KRT2: variants seen among roughly 807,000 people sequenced by gnomAD.
The protein encoded by KRT2 is keratin 2.
A neutral mutation model predicts 48.5 loss-of-function variants in KRT2; 37 were observed. That is an observed-to-expected ratio of 0.76 (90% CI 0.59 to 1.00). The LOEUF (loss-of-function observed/expected upper bound fraction) is 1.00, where lower values mean the gene tolerates loss of function less well. KRT2 is among the 50% of genes least tolerant of loss of function. The pLI is 0.00. For missense variants in KRT2, 880 were observed against 815.2 expected (o/e 1.08, Z -0.97); for synonymous variants, 324 against 312.2 (o/e 1.04, Z -0.40).
chr12:52,646,604 C>T (rs1941164932), intron 7 of KRT2, 136 bp downstream of exon 7: 12 of 896,916 alleles, frequency 1.3e-5, no homozygotes, highest in Non-Finnish European at 2.1e-5. Flanking sequence ...GCTTGGGGAA[C>T]ACAGAGAATG....
chr12:52,645,278 C>A lies in KRT2; in HGVS notation c.1661G>T (p.Gly554Val). 6.2e-7 allele frequency: 1 copy of A among 1,614,196 alleles called. No individual in the cohort carries two copies. Among genetic ancestry groups the A allele is most frequent in the Non-Finnish European group, 8.5e-7 (1 of 1,180,042 alleles). Residue 554 changes from glycine (G) to valine (V), a missense_variant, in exon 9 of 9, where the codon GGA becomes GTA. Coordinates refer to ENST00000309680, the MANE Select transcript of KRT2 (RefSeq NM_000423.3). ...RQSGSRGGSG[G>V]GGSISGGGYG... ...TCCTCCTCCAGAGATAGAACCTCCT[C>A]CTCCACTACCGCCTCTGGAGCCAGA...
intron 2 of KRT2, 107 bp from the exon 3 acceptor site, chr12:52,650,081 C>A (rs1941226179): frequency 1.1e-6 from 1 of 871,974 alleles, no homozygotes; most frequent in African/African-American, 1.7e-5. Flanking sequence ...GGGAATATTA[C>A]ACACTTTTTA....
chr12:52,647,454 T>G (rs1941184933), intron 6 of KRT2, among the ~76,000 whole-genome samples: 2 of 152,372 alleles, frequency 1.3e-5, no homozygotes, highest in Non-Finnish European at 2.9e-5. Flanking sequence ...AACTAACGTT[T>G]GCTCTATTTG....
chr12:52,645,972 C>T (rs868346877), intron 7 of KRT2, among the ~76,000 whole-genome samples: 1 of 152,226 alleles, frequency 6.6e-6, no homozygotes, highest in Non-Finnish European at 1.5e-5. Flanking sequence ...AGAACTGTGA[C>T]TCTGTAGAGC....
rs1339589023 is a variant in KRT2, at chr12:52,651,814, C to T, written c.329G>A (p.Gly110Asp). The T allele has an allele frequency of 6.2e-7, 1 of 1,604,544 alleles. No homozygotes were observed. Among genetic ancestry groups the T allele is most frequent in the Non-Finnish European group, 8.5e-7 (1 of 1,174,702 alleles). Reference protein sequence around the residue: ...SSFGGGSGFSGGGFGGGGFGG... With the variant: ...SSFGGGSGFSDGGFGGGGFGG... The stretch of plus-strand genomic sequence containing the variant: ...AAAGCCGCCTCCACCGAAACCACCA[C>T]CACTGAAGCCGCTGCCACCTCCAAA... Residue 110 changes from glycine to aspartate, a missense_variant, in exon 1 of 9, where the codon GGT (glycine) becomes GAT (aspartate). Transcript: ENST00000309680.
intron 3 of KRT2, 86 bp downstream of exon 3, chr12:52,649,828 G>T: frequency 9.7e-7 from 1 of 1,030,610 alleles, no homozygotes. Flanking sequence ...TGCACTCACA[G>T]TTGATTTCCA....
In KRT2 at chr12:52,644,955, G is replaced by A. The variant is rs1190343086; in HGVS notation, c.*64C>T. On this transcript the variant is annotated 3_prime_UTR_variant, in exon 9 of 9. Coordinates refer to ENST00000309680, the MANE Select transcript of KRT2 (RefSeq NM_000423.3). Reference sequence around the variant, plus strand: ...GCTGCCAGTTAGAGGTACAGAGACAGGCTTCTACATTCTGGAGTGGGAGAG... The same window carrying A: ...GCTGCCAGTTAGAGGTACAGAGACAAGCTTCTACATTCTGGAGTGGGAGAG... 6.3e-7 allele frequency: 1 copy of A among 1,576,620 alleles called. No homozygotes were observed. Among genetic ancestry groups the A allele is most frequent in the African/African-American group, 1.3e-5 (1 of 74,114 alleles).
chr12:52,644,657 C>T lies in KRT2; in HGVS notation c.*362G>A. ...TATATACACAGAAACACATTTCCCC[C>T]CAGCACTGCCAGGCTTAGAGATGAA... On this transcript the variant is annotated 3_prime_UTR_variant, in exon 9 of 9. Transcript: ENST00000309680. The T allele has an allele frequency of 2.9e-6, 1 of 339,484 alleles. No individual in the cohort carries two copies. Among genetic ancestry groups the T allele is most frequent in the South Asian group, 3.1e-5 (1 of 32,070 alleles). 21.0% of individuals were successfully genotyped at this position (339,484 alleles called of 1,614,324 possible). A position where few individuals can be genotyped will look rare whatever the true frequency, so the allele number is the denominator to read the frequency against.
At position 52,644,932 on chromosome 12, in the gene KRT2, T is replaced by C. The variant is rs1328170443; in HGVS notation, c.*87A>G. On this transcript the variant is annotated 3_prime_UTR_variant, in exon 9 of 9. Coordinates refer to ENST00000309680, the MANE Select transcript of KRT2 (RefSeq NM_000423.3). ...GATAAATGACAAAAATTTAACTTGC[T>C]GCCAGTTAGAGGTACAGAGACAGGC... 6.9e-7 allele frequency: 1 copy of C among 1,445,120 alleles called. No individual in the cohort carries two copies. The highest frequency in any genetic ancestry group is 9.6e-7 in the Non-Finnish European group (1 of 1,039,368). 89.5% of individuals were successfully genotyped at this position (1,445,120 alleles called of 1,614,324 possible). A position where few individuals can be genotyped will look rare whatever the true frequency, so the allele number is the denominator to read the frequency against.
Position 52,645,152 on chromosome 12 carries a change from T to C in KRT2, c.1787A>G (p.His596Arg), listed in dbSNP as rs772266386. ...TCCTCTAGAGCCACCTCCAGAGCTG[T>C]GTTTTCCACCTCCAGAGCCATATCC... ...GGGYGSGGGK[H>R]SSGGGSRGGS... Residue 596 changes from histidine to arginine, a missense_variant, in exon 9 of 9, where the codon CAC becomes CGC. Physicochemically the swap from His to Arg is conservative, Grantham distance 29. Coordinates refer to ENST00000309680, the MANE Select transcript of KRT2 (RefSeq NM_000423.3). 1 of 1,613,354 alleles carries C rather than the reference T, an allele frequency of 6.2e-7. No individual in the cohort carries two copies. The highest frequency in any genetic ancestry group is 8.5e-7 in the Non-Finnish European group (1 of 1,179,836).
At chr12:52,646,557 T>C (rs545728791) in intron 7 of KRT2, among the ~76,000 whole-genome samples, 183 bp downstream of exon 7, 3 of 152,372 alleles carry the variant, frequency 2.0e-5, no homozygotes, top group Non-Finnish European at 4.4e-5. Context: ...TTGATAAATG[T>C]GTAACTCTCC....
rs773560400 is a variant in KRT2 at position 52,650,387 on chromosome 12, T to A, written c.752A>T (p.Asn251Ile). ...DGLTAERTSQ[N>I]SELNNMQDLV... ...ATCCTGCATGTTATTCAGCTCTGAA[T>A]TCTGTGATGTTCTTTCTGCAGTGAG... Residue 251 changes from asparagine (N) to isoleucine (I), a missense_variant, in exon 2 of 9, where the codon AAT becomes ATT. Coordinates refer to ENST00000309680, the MANE Select transcript of KRT2 (RefSeq NM_000423.3). 1.2e-5 allele frequency: 19 copies of A among 1,614,256 alleles called. No homozygotes were observed. The South Asian group carries it at 1.9e-4, about 16-fold the overall frequency.
intron 5 of KRT2, 39 bp downstream of exon 5, chr12:52,648,134 G>T (rs763505083): frequency 6.2e-7 from 1 of 1,608,552 alleles, no homozygotes; most frequent in South Asian, 1.1e-5. Context: ...CCAGCTCATG[G>T]CAGGGAGCTG....
At position 52,651,675 on chromosome 12, in the gene KRT2, G is replaced by T; in HGVS notation, c.468C>A (p.Asn156Lys). ...YPGGIHEVSV[N>K]QSLLQPLNVK... ...CGTTGAGAGGCTGCAGGAGGCTCTG[G>T]TTGACAGAGACTTCGTGGATGCCAC... is the stretch of plus-strand genomic sequence containing the variant. The change falls in exon 1 of 9, where the codon AAC becomes AAA. Residue 156 changes from asparagine to lysine, a missense_variant. Asn to Lys is a moderately conservative substitution (Grantham distance 94). Coordinates refer to ENST00000309680, the MANE Select transcript of KRT2 (RefSeq NM_000423.3). 1 of 1,614,030 alleles carries T rather than the reference G, an allele frequency of 6.2e-7. No homozygotes were observed. The highest frequency in any genetic ancestry group is 8.5e-7 in the Non-Finnish European group (1 of 1,179,964).
rs749830972 is a variant in KRT2 at position 52,652,034 on chromosome 12, T to G, written c.109A>C (p.Thr37Pro). The G allele has an allele frequency of 1.9e-6, 3 of 1,607,390 alleles. No individual in the cohort carries two copies. The highest frequency in any genetic ancestry group is 2.5e-6 in the Non-Finnish European group (3 of 1,179,934). Residue 37 changes from threonine to proline, a missense_variant, in exon 1 of 9, where the codon ACT becomes CCT. Coordinates refer to ENST00000309680, the MANE Select transcript of KRT2 (RefSeq NM_000423.3). ...AVVSGGSRRS[T>P]SSFSCLSRHG... is the part of the protein sequence containing the mutation. The stretch of plus-strand genomic sequence containing the variant: ...CGGCTCAAGCAGGAGAAGCTGGAAG[T>G]TGATCTCCGGCTTCCACCAGACACC...
At position 52,645,288 on chromosome 12, in the gene KRT2, C is replaced by G; in HGVS notation, c.1651G>C (p.Gly551Arg). ...SGGRQSGSRG[G>R]SGGGGSISGG... ...GAGATAGAACCTCCTCCTCCACTAC[C>G]GCCTCTGGAGCCAGACTGTCGGCCT... Residue 551 changes from glycine to arginine, a missense_variant, in exon 9 of 9, where the codon GGT (glycine) becomes CGT (arginine). Transcript: ENST00000309680. 1 of 1,614,202 alleles carries G rather than the reference C, an allele frequency of 6.2e-7. No homozygotes were observed. The highest frequency in any genetic ancestry group is 8.5e-7 in the Non-Finnish European group (1 of 1,180,046).
rs746525651 is a variant in KRT2, at chr12:52,645,235, A to G, written c.1704T>C (p.Gly568=). ...ISGGGYGSGG[G]SGGRYGSGGG... is the part of the protein sequence containing the mutation. ...CACCAGATCCGTATCTTCCTCCAGA[A>G]CCACCGCCAGAGCCATATCCTCCTC... Residue 568 remains glycine (G), a synonymous_variant, in exon 9 of 9, where the codon GGT becomes GGC. Transcript: ENST00000309680. 2 of 1,612,430 alleles carry G rather than the reference A, an allele frequency of 1.2e-6. No individual in the cohort carries two copies. Among genetic ancestry groups the G allele is most frequent in the Non-Finnish European group, 1.7e-6 (2 of 1,179,538 alleles).
intron 7 of KRT2, among the ~76,000 whole-genome samples, chr12:52,646,174 GCC>G (rs2067372174): frequency 6.6e-6 from 1 of 152,188 alleles, no homozygotes; most frequent in African/African-American, 2.4e-5. Context: ...AATTGCTTCA[GCC>G]AGATTAAGTC....
rs1382346137 is a variant in KRT2, at chr12:52,648,964, G to C, written c.957+43C>G. ...AGCAGAAAGGACTTTCATTTGGTGA[G>C]AAGGGTGGGAAGTAAGGGACTGTCC... On this transcript the variant is annotated intron_variant, in intron 4 of 8. Coordinates refer to ENST00000309680, the MANE Select transcript of KRT2 (RefSeq NM_000423.3). The C allele has an allele frequency of 3.3e-6, 4 of 1,206,584 alleles. No homozygotes were observed. The African/African-American group carries it at 4.5e-5, about 14-fold the overall frequency. 74.7% of individuals were successfully genotyped at this position (1,206,584 alleles called of 1,614,324 possible). A position where few individuals can be genotyped will look rare whatever the true frequency, so the allele number is the denominator to read the frequency against.
Sources: allele counts gnomAD v4.1 joint callset (sites outside exome capture counted in the v4.1 genomes callset), GRCh38; gene constraint gnomAD v4.1.1; transcripts MANE v1.5; gene names NCBI Gene and HGNC (gene_info 2026-07-23, HGNC 2026-07-21).